Variants in NAE1 observed in about 807,000 individuals in gnomAD.
NAE1 encodes the protein NEDD8 activating enzyme E1 subunit 1.
A neutral mutation model predicts 88.0 loss-of-function variants in NAE1; 59 were observed. The observed-to-expected ratio is 0.67, with a 90% CI of 0.54 to 0.83. NAE1 has a LOEUF of 0.83. NAE1 is among the 40% of genes least tolerant of loss of function. The pLI is 0.00. For missense variants in NAE1, 554 were observed against 632.8 expected (o/e 0.88, Z 1.34); for synonymous variants, 186 against 208.9 (o/e 0.89, Z 0.95).
At chr16:66,830,482 G>A (rs1960646628) in intron 1 of NAE1, among the ~76,000 whole-genome samples, 1 of 152,246 alleles carries the variant, frequency 6.6e-6, no homozygotes. Flanking sequence ...CGCTGGCTGA[G>A]AACAAAACCT....
chr16:66,812,713 G>A (rs1454208043), intron 13 of NAE1, among the ~76,000 whole-genome samples: 10 of 150,976 alleles, frequency 6.6e-5, no homozygotes, highest in African/African-American at 1.9e-4. Context: ...TAGAGACAGG[G>A]TTTCACCATG....
At chr16:66,829,758 C>T (rs1380604842) in intron 1 of NAE1, among the ~76,000 whole-genome samples, 2 of 152,206 alleles carry the variant, frequency 1.3e-5, no homozygotes, top group African/African-American at 4.8e-5. Context: ...CCCAAGGACC[C>T]TCCTGATGGC....
At position 66,817,456 on chromosome 16, in the gene NAE1, A is replaced by G. The variant is rs757725316; in HGVS notation, c.653T>C (p.Ile218Thr). ...ATACCACTGTGCTAAATATTTAGCT[A>G]TGATCACAATCCATGGAGTATGACT... Reference protein sequence around the residue: ...DHSHTPWIVIIAKYLAQWYSE... With the variant: ...DHSHTPWIVITAKYLAQWYSE... Residue 218 changes from isoleucine (I) to threonine (T), a missense_variant, in exon 9 of 20, where the codon ATA becomes ACA. Ile to Thr is a moderately conservative substitution (Grantham distance 89). Transcript: ENST00000290810. The G allele has an allele frequency of 1.2e-6, 2 of 1,604,242 alleles. No homozygotes were observed. Among genetic ancestry groups the G allele is most frequent in the Admixed American group, 1.7e-5 (1 of 58,158 alleles).
In NAE1 at chr16:66,808,511, C is replaced by T. The variant is rs1438361331; in HGVS notation, c.1330+10G>A. 1 of 1,487,544 alleles carries T rather than the reference C, an allele frequency of 6.7e-7. No individual in the cohort carries two copies. Among genetic ancestry groups the T allele is most frequent in the Non-Finnish European group, 9.3e-7 (1 of 1,076,900 alleles). 92.1% of individuals were successfully genotyped at this position (1,487,544 alleles called of 1,614,324 possible). On this transcript the variant is annotated intron_variant, in intron 17 of 19. Coordinates refer to ENST00000290810, the MANE Select transcript of NAE1 (RefSeq NM_003905.4). ...CTTATTATATCTGGTAATTCAATTG[C>T]TATTCTTACCTGGATATCTACCCTG...
chr16:66,805,581 C>T lies in NAE1; in HGVS notation c.1495+196G>A, dbSNP rs184008725. 46 of 412,956 alleles carry T rather than the reference C, an allele frequency of 1.1e-4. No individual in the cohort carries two copies. The East Asian group carries it at 1.2e-3, about 10-fold the overall frequency. The allele number at this position is 412,956 out of a possible 1,614,324, so 25.6% of individuals were successfully genotyped here. A position where few individuals can be genotyped will look rare whatever the true frequency, so the allele number is the denominator to read the frequency against. Reference sequence around the variant, plus strand: ...TGAGCCCAGGAGTTTGAGGTTGCAGCGAGCTATGATGGCATCAATACACTC... The same window carrying T: ...TGAGCCCAGGAGTTTGAGGTTGCAGTGAGCTATGATGGCATCAATACACTC... On this transcript the variant is annotated intron_variant, in intron 19 of 19. Coordinates refer to ENST00000290810, the MANE Select transcript of NAE1 (RefSeq NM_003905.4).
At chr16:66,817,354 C>T (rs758818179) in intron 9 of NAE1, 71 bp downstream of exon 9, 30 of 1,246,964 alleles carry the variant, frequency 2.4e-5, no homozygotes, top group South Asian at 9.9e-5. Context: ...TCCCATTCCC[C>T]ATCAAGGAAA....
intron 1 of NAE1, among the ~76,000 whole-genome samples, chr16:66,829,350 CCT>C (rs969804602): frequency 2.0e-5 from 3 of 152,134 alleles, no homozygotes; most frequent in African/African-American, 7.2e-5. Flanking sequence ...GGACTGTTAC[CCT>C]GTTTCTTCTC....
intron 13 of NAE1, among the ~76,000 whole-genome samples, chr16:66,812,770 C>T (rs1567490263): frequency 6.6e-6 from 1 of 151,292 alleles, no homozygotes; most frequent in African/African-American, 2.4e-5. Context: ...CCACCCGTCT[C>T]GGCCTCCCGA....
chr16:66,811,210 TAC>T (rs1959786131), intron 13 of NAE1, among the ~76,000 whole-genome samples: 1 of 152,084 alleles, frequency 6.6e-6, no homozygotes, highest in South Asian at 2.1e-4. Context: ...CAGGCTGGAG[TAC>T]AGTGGCGCAG....
In NAE1 at chr16:66,821,548, C is replaced by T. The variant is rs779965442; in HGVS notation, c.413G>A (p.Arg138His). 7.6e-6 allele frequency: 12 copies of T among 1,580,430 alleles called. No individual in the cohort carries two copies. Among genetic ancestry groups the T allele is most frequent in the South Asian group, 1.2e-5 (1 of 84,208 alleles). The change falls in exon 7 of 20, where the codon CGC (arginine) becomes CAC (histidine). Residue 138 changes from arginine (R) to histidine (H), a missense_variant. By Grantham distance (29) the Arg-to-His change is conservative. Transcript: ENST00000290810. ...ATQLPESTSL[R>H]LADVLWNSQI... The stretch of plus-strand genomic sequence containing the variant: ...GGAATTCCAGAGGACATCTGCTAAG[C>T]GTAGTGAAGTGCTGTTTAAAAAAAA...
At chr16:66,808,410 T>A in intron 17 of NAE1, 111 bp downstream of exon 17, 1 of 802,010 alleles carries the variant, frequency 1.2e-6, no homozygotes, top group Non-Finnish European at 2.0e-6. Context: ...GTGTAATCTG[T>A]TTACAATGTG....
intron 8 of NAE1, among the ~76,000 whole-genome samples, chr16:66,817,989 G>A (rs886683458): frequency 6.6e-6 from 1 of 151,952 alleles, no homozygotes; most frequent in African/African-American, 2.4e-5. Context: ...TGGGTACTTA[G>A]GTGTATATAT....
At chr16:66,810,056 T>G (rs1316883662) in intron 15 of NAE1, among the ~76,000 whole-genome samples, 1 of 152,126 alleles carries the variant, frequency 6.6e-6, no homozygotes, top group Non-Finnish European at 1.5e-5. Flanking sequence ...CCCAAAGTCT[T>G]CAGACAAAAA....
At chr16:66,808,263 T>A (rs911175470) in intron 17 of NAE1, among the ~76,000 whole-genome samples, 6 of 152,178 alleles carry the variant, frequency 3.9e-5, no homozygotes, top group African/African-American at 1.4e-4. Flanking sequence ...TAACAAACTA[T>A]GGAAAATGAC....
At chr16:66,815,067 T>G (rs990844349) in intron 11 of NAE1, among the ~76,000 whole-genome samples, 5 of 152,314 alleles carry the variant, frequency 3.3e-5, no homozygotes, top group Non-Finnish European at 7.3e-5. Context: ...TGGCTCCCTA[T>G]GTACAATTGT....
chr16:66,830,681 G>A (rs1182025122), intron 1 of NAE1, among the ~76,000 whole-genome samples, 166 bp downstream of exon 1: 2 of 152,208 alleles, frequency 1.3e-5, no homozygotes, highest in Non-Finnish European at 2.9e-5. Flanking sequence ...AGCACCTTTG[G>A]CCCAGGGCGG....
chr16:66,828,778 G>A (rs1960573713), intron 1 of NAE1, among the ~76,000 whole-genome samples: 1 of 152,124 alleles, frequency 6.6e-6, no homozygotes, highest in Admixed American at 6.5e-5. Context: ...GATCACTTGA[G>A]TGCAGAGGTA....
chr16:66,817,135 T>C lies in NAE1; in HGVS notation c.685-107A>G, dbSNP rs755763372. ...CTACATAAGATTTCATCAACAAATA[T>C]ATTTCTCTGTGAAATCAGAGGCTCA... On this transcript the variant is annotated intron_variant, in intron 9 of 19. Coordinates refer to ENST00000290810, the MANE Select transcript of NAE1 (RefSeq NM_003905.4). 2.8e-5 allele frequency: 39 copies of C among 1,383,614 alleles called. 1 individual carries two copies. In the East Asian group the frequency reaches 9.0e-4, roughly 32 times the overall value. 85.7% of individuals were successfully genotyped at this position (1,383,614 alleles called of 1,614,324 possible).
At chr16:66,827,232 G>A (rs754698907) in intron 1 of NAE1, among the ~76,000 whole-genome samples, 8 of 151,802 alleles carry the variant, frequency 5.3e-5, no homozygotes, top group South Asian at 2.1e-4. Flanking sequence ...TGGGATTACA[G>A]GTGTGAGCCA....
Sources: gnomAD v4.1 joint callset for allele counts (sites outside exome capture counted in the v4.1 genomes callset) on GRCh38, gnomAD v4.1.1 for gene constraint, MANE v1.5 for transcripts, NCBI Gene and HGNC (gene_info 2026-07-23, HGNC 2026-07-21) for gene names.